Variants in EXOC1 observed in about 807,000 individuals in gnomAD.
EXOC1 encodes the protein SEC3-like 1.
Under a neutral mutation model 107.7 loss-of-function variants are expected in EXOC1, and 67 were observed. The ratio of observed to expected loss-of-function variants is 0.62; its 90% CI spans 0.51 to 0.76. EXOC1 has a LOEUF of 0.76. Ranked by LOEUF, EXOC1 falls within the 30% of genes least tolerant of loss-of-function variation. The pLI, the probability that EXOC1 is intolerant of heterozygous loss-of-function variation, is 0.00. For missense variants in EXOC1, 833 were observed against 1,055.7 expected (o/e 0.79, Z 2.92); for synonymous variants, 348 against 353.5 (o/e 0.98, Z 0.17).
chr4:55,870,961 C>T (rs951800849), intron 6 of EXOC1, 56 bp downstream of exon 6: 85 of 1,547,906 alleles, frequency 5.5e-5, no homozygotes, highest in Non-Finnish European at 7.2e-5. Context: ...ATATAAAACC[C>T]ATTTGTAAAC....
chr4:55,878,181 G>A (rs551770369), intron 9 of EXOC1, 115 bp downstream of exon 9: 3 of 1,174,122 alleles, frequency 2.6e-6, no homozygotes, highest in Non-Finnish European at 3.6e-6. Context: ...TAGCAAAGCA[G>A]AAAATGAGTC....
At position 55,871,135 on chromosome 4, in the gene EXOC1, C is replaced by T; in HGVS notation, c.866C>T (p.Ala289Val). ...GACTTGGCCAAAGGTCATATAAAGG[C>T]CCTTCAGGAAGGAGATCTTGCTTCT... ...HMDLAKGHIK[A>V]LQEGDLASSR... The change falls in exon 7 of 19, where the codon GCC (alanine) becomes GTC (valine). Residue 289 changes from alanine to valine, a missense_variant. Physicochemically the swap from Ala to Val is moderately conservative, Grantham distance 64 (BLOSUM62 0). Around this residue, in one of 2 missense-constraint regions of EXOC1, gnomAD observed 617 missense variants for 701.3 expected, o/e 0.88. Transcript: ENST00000381295. 6.2e-7 allele frequency: 1 copy of T among 1,613,880 alleles called. No individual in the cohort carries two copies. Among genetic ancestry groups the T allele is most frequent in the Non-Finnish European group, 8.5e-7 (1 of 1,179,888 alleles).
At chr4:55,888,822 G>A in intron 10 of EXOC1, 66 bp from the exon 11 acceptor site, 2 of 1,531,188 alleles carry the variant, frequency 1.3e-6, no homozygotes, top group Non-Finnish European at 1.8e-6. Flanking sequence ...CTTGTGCATG[G>A]TTTGTGCAAA....
In EXOC1 at chr4:55,902,366, C is replaced by T; in HGVS notation, c.2360C>T (p.Ala787Val). The change falls in exon 18 of 19, where the codon GCT (alanine) becomes GTT (valine). Residue 787 changes from alanine to valine, a missense_variant. Ala to Val is a moderately conservative substitution (Grantham distance 64). This residue lies in a region of EXOC1 where 216 missense variants were observed against 354.4 expected (regional missense o/e 0.61). Coordinates refer to ENST00000381295, the MANE Select transcript of EXOC1 (RefSeq NM_001024924.2). ...KLNHFFEGVE[A>V]RVAQGIREEE... is the part of the protein sequence containing the mutation. ...AAGCATTTCTTTGAAGGTGTTGAAG[C>T]TCGCGTGGCACAGGGCATAAGGGAG... The T allele has an allele frequency of 1.3e-6, 2 of 1,487,778 alleles. No homozygotes were observed. The highest frequency in any genetic ancestry group is 2.6e-5 in the East Asian group (1 of 39,098). 92.2% of individuals were successfully genotyped at this position (1,487,778 alleles called of 1,614,324 possible). A position where few individuals can be genotyped will look rare whatever the true frequency, so the allele number is the denominator to read the frequency against.
intron 8 of EXOC1, 104 bp downstream of exon 8, chr4:55,872,062 C>A: frequency 1.0e-6 from 1 of 984,718 alleles, no homozygotes; most frequent in Non-Finnish European, 1.5e-6. Context: ...GGGTTGCAGT[C>A]AATTCCTTCA....
At chr4:55,872,284 C>T (rs1027488538) in intron 8 of EXOC1, among the ~76,000 whole-genome samples, 1 of 151,978 alleles carries the variant, frequency 6.6e-6, no homozygotes, top group Non-Finnish European at 1.5e-5. Flanking sequence ...TACTATTGGA[C>T]CTGTTTTATT....
intron 9 of EXOC1, among the ~76,000 whole-genome samples, chr4:55,881,080 A>G (rs1057371928): frequency 6.6e-6 from 1 of 152,224 alleles, no homozygotes; most frequent in Non-Finnish European, 1.5e-5. Flanking sequence ...AAACTTGTTC[A>G]AAATTCTTTG....
chr4:55,878,734 A>T (rs1016140115), intron 9 of EXOC1, among the ~76,000 whole-genome samples: 2 of 152,166 alleles, frequency 1.3e-5, no homozygotes, highest in Admixed American at 1.3e-4. Flanking sequence ...GGGGAGAGAG[A>T]TGTGCAGACA....
intron 9 of EXOC1, among the ~76,000 whole-genome samples, chr4:55,878,795 C>T (rs914107294): frequency 3.3e-5 from 5 of 151,888 alleles, no homozygotes; most frequent in African/African-American, 4.8e-5. Context: ...TAAGGGTGAC[C>T]GAAGCAGAAA....
At chr4:55,901,087 AG>A (rs1725845818) in intron 17 of EXOC1, among the ~76,000 whole-genome samples, 1 of 152,324 alleles carries the variant, frequency 6.6e-6, no homozygotes, top group East Asian at 1.9e-4. Context: ...ATCAATTTAA[AG>A]CAGAAATATT....
At chr4:55,878,946 T>A (rs1402103600) in intron 9 of EXOC1, among the ~76,000 whole-genome samples, 2 of 152,154 alleles carry the variant, frequency 1.3e-5, no homozygotes, top group Non-Finnish European at 1.5e-5. Context: ...AAATGAAGTG[T>A]TGAGCCAGGA....
At chr4:55,869,414 T>C (rs1362519529) in intron 5 of EXOC1, among the ~76,000 whole-genome samples, 3 of 152,104 alleles carry the variant, frequency 2.0e-5, no homozygotes, top group Admixed American at 2.0e-4. Context: ...GCATCTCTTA[T>C]GCTAGAGTAA....
intron 9 of EXOC1, among the ~76,000 whole-genome samples, chr4:55,879,497 G>A (rs907949588): frequency 1.3e-5 from 2 of 152,144 alleles, no homozygotes; most frequent in South Asian, 4.1e-4. Flanking sequence ...GGAAGGGATT[G>A]TGGACCATGC....
intron 3 of EXOC1, among the ~76,000 whole-genome samples, chr4:55,861,304 G>A (rs997930863): frequency 6.6e-6 from 1 of 152,128 alleles, no homozygotes; most frequent in East Asian, 1.9e-4. Flanking sequence ...CTTGTATGTC[G>A]ATGGGATGAA....
At chr4:55,890,143 A>G (rs113679182) in intron 11 of EXOC1, 80 bp from the exon 12 acceptor site, 1 of 1,382,514 alleles carries the variant, frequency 7.2e-7, no homozygotes, top group East Asian at 2.3e-5. Context: ...CCAGTAGAAG[A>G]TAGAAGATCT....
intron 9 of EXOC1, among the ~76,000 whole-genome samples, chr4:55,882,181 C>T (rs1156729134): frequency 6.6e-6 from 1 of 152,116 alleles, no homozygotes; most frequent in Non-Finnish European, 1.5e-5. Flanking sequence ...CACTCTGACA[C>T]CCAGGCTGGA....
Position 55,904,507 on chromosome 4 carries a change from G to A in EXOC1, c.*12G>A. ...CACAGTCCCACTAAACCTTGTGAAAGAAGAAAAGATAACTGAATGAAGCAT... is the reference window on the plus strand; with the variant it reads ...CACAGTCCCACTAAACCTTGTGAAAAAAGAAAAGATAACTGAATGAAGCAT... On this transcript the variant is annotated 3_prime_UTR_variant, in exon 19 of 19. Coordinates refer to ENST00000381295, the MANE Select transcript of EXOC1 (RefSeq NM_001024924.2). 1 of 1,597,100 alleles carries A rather than the reference G, an allele frequency of 6.3e-7. No individual in the cohort carries two copies. The highest frequency in any genetic ancestry group is 8.5e-7 in the Non-Finnish European group (1 of 1,171,584).
chr4:55,902,317 C>A, intron 17 of EXOC1, 27 bp from the exon 18 acceptor site: 2 of 1,398,104 alleles, frequency 1.4e-6, no homozygotes, highest in Non-Finnish European at 1.9e-6. Flanking sequence ...CAGGTCTTAG[C>A]CATTGTTTCT....
At chr4:55,854,132 G>C (rs1720724075) in intron 1 of EXOC1, among the ~76,000 whole-genome samples, 179 bp downstream of exon 1, 1 of 152,104 alleles carries the variant, frequency 6.6e-6, no homozygotes, top group Non-Finnish European at 1.5e-5. Context: ...AGAGGAGAGC[G>C]TGACTGTGCC....
Sources: gnomAD v4.1 joint callset for allele counts (sites outside exome capture counted in the v4.1 genomes callset) on GRCh38, gnomAD v4.1.1 for gene constraint, gnomAD v4.1.1 regional missense constraint, MANE v1.5 for transcripts, NCBI Gene and HGNC (gene_info 2026-07-23, HGNC 2026-07-21) for gene names.